FHIT: variants seen among roughly 807,000 people sequenced by gnomAD.
FHIT encodes fragile histidine triad diadenosine triphosphatase, also known as bis(5'-adenosyl)-triphosphatase.
Under a neutral mutation model 17.9 loss-of-function variants are expected in FHIT, and 19 were observed. The ratio of observed to expected loss-of-function variants is 1.06; its 90% confidence interval spans 0.74 to 1.56. The LOEUF (loss-of-function observed/expected upper bound fraction) is 1.56. FHIT is among the 40% of genes most tolerant of loss of function. The pLI, the probability that FHIT is intolerant of heterozygous loss-of-function variation, is 0.00. For synonymous variants in FHIT, 81 were observed against 69.7 expected, an observed-to-expected ratio of 1.16 and a Z score of -0.81; for missense variants, 248 against 189.2, an observed-to-expected ratio of 1.31 and a Z score of -1.82.
At chr3:60,113,658 G>A (rs914827494) in intron 5 of FHIT, among the ~76,000 whole-genome samples, 5 of 151,624 alleles carry the variant, frequency 3.3e-5, no homozygotes, top group Admixed American at 3.3e-4. Context: ...ACAACAATGT[G>A]AATGTACTTA....
chr3:60,887,279 G>A (rs1416011756), intron 3 of FHIT, among the ~76,000 whole-genome samples: 1 of 152,048 alleles, frequency 6.6e-6, no homozygotes, highest in African/African-American at 2.4e-5. Context: ...TAGGACTTTT[G>A]TTTTGTTTTG....
chr3:60,240,412 C>A (rs867906390), intron 5 of FHIT, among the ~76,000 whole-genome samples: 44 of 152,224 alleles, frequency 2.9e-4, no homozygotes, highest in Admixed American at 5.9e-4. Context: ...CAGAGCAGAT[C>A]AAACTACAAC....
At chr3:60,728,755 A>C (rs1245716318) in intron 4 of FHIT, among the ~76,000 whole-genome samples, 1 of 151,776 alleles carries the variant, frequency 6.6e-6, no homozygotes, top group Non-Finnish European at 1.5e-5. Flanking sequence ...AGTTGTCCTA[A>C]GGTGAAACAA....
chr3:60,320,753 T>G (rs1203009317), intron 5 of FHIT, among the ~76,000 whole-genome samples: 1 of 152,104 alleles, frequency 6.6e-6, no homozygotes, highest in Non-Finnish European at 1.5e-5. Flanking sequence ...ACAAGTAACA[T>G]AAGAAAGATG....
intron 5 of FHIT, among the ~76,000 whole-genome samples, chr3:60,056,484 G>C (rs574765615): frequency 3.2e-4 from 49 of 152,320 alleles, no homozygotes; most frequent in Non-Finnish European, 5.4e-4. Context: ...TCCTTATTGT[G>C]TTACAAGTTT....
At chr3:60,288,574 T>A (rs1169248658) in intron 5 of FHIT, among the ~76,000 whole-genome samples, 338 of 115,302 alleles carry the variant, frequency 2.9e-3, no homozygotes, top group African/African-American at 8.5e-3. Context: ...ACAGTGTGTG[T>A]GTGTGTGTGT....
At chr3:60,283,836 T>C (rs948088627) in intron 5 of FHIT, among the ~76,000 whole-genome samples, 1 of 152,030 alleles carries the variant, frequency 6.6e-6, no homozygotes, top group Non-Finnish European at 1.5e-5. Context: ...AAGGAGACTA[T>C]GGGCCAAAGG....
chr3:60,640,683 A>G (rs2039704337), intron 4 of FHIT, among the ~76,000 whole-genome samples: 2 of 152,234 alleles, frequency 1.3e-5, no homozygotes, highest in Admixed American at 6.5e-5. Context: ...CATATGGCTT[A>G]TGATTTTAAA....
intron 3 of FHIT, among the ~76,000 whole-genome samples, chr3:61,008,982 C>T (rs936937200): frequency 6.6e-6 from 1 of 152,164 alleles, no homozygotes; most frequent in Non-Finnish European, 1.5e-5. Context: ...CTCGATAGTT[C>T]ACACAGTCTT....
chr3:59,842,888 T>G (rs542996319), intron 8 of FHIT, among the ~76,000 whole-genome samples: 1 of 152,082 alleles, frequency 6.6e-6, no homozygotes, highest in Admixed American at 6.6e-5. Context: ...TGGTGTCTTT[T>G]GATGTACAAA....
chr3:59,829,084 T>C (rs911128103), intron 8 of FHIT, among the ~76,000 whole-genome samples: 11 of 152,202 alleles, frequency 7.2e-5, no homozygotes, highest in African/African-American at 2.7e-4. Context: ...ATGGTACACA[T>C]TGGGTACCAA....
intron 3 of FHIT, among the ~76,000 whole-genome samples, chr3:60,917,213 A>G (rs1707052241): frequency 6.6e-6 from 1 of 152,226 alleles, no homozygotes; most frequent in African/African-American, 2.4e-5. Flanking sequence ...GGATAGTAGT[A>G]AATAAATTAG....
intron 5 of FHIT, among the ~76,000 whole-genome samples, chr3:60,187,937 G>C (rs1702228870): frequency 6.6e-6 from 1 of 151,970 alleles, no homozygotes; most frequent in South Asian, 2.1e-4. Flanking sequence ...ATATATTATG[G>C]TTCTAGGATG....
At chr3:61,227,503 T>TA (rs1200431930) in intron 1 of FHIT, among the ~76,000 whole-genome samples, 1 of 152,100 alleles carries the variant, frequency 6.6e-6, no homozygotes, top group African/African-American at 2.4e-5. Context: ...TTGCAGCACA[T>TA]ACAATACCAA....
At chr3:61,006,495 T>C (rs1411492400) in intron 3 of FHIT, among the ~76,000 whole-genome samples, 3 of 152,214 alleles carry the variant, frequency 2.0e-5, no homozygotes, top group South Asian at 2.1e-4. Flanking sequence ...TTGAGATTTA[T>C]GTAATGAGAC....
intron 3 of FHIT, among the ~76,000 whole-genome samples, chr3:60,992,313 T>C (rs2030298223): frequency 6.6e-6 from 1 of 152,236 alleles, no homozygotes; most frequent in Non-Finnish European, 1.5e-5. Context: ...AGTTACATGA[T>C]GGATATACAT....
At chr3:60,942,547 T>TA (rs1553774810) in intron 3 of FHIT, among the ~76,000 whole-genome samples, 1 of 152,182 alleles carries the variant, frequency 6.6e-6, no homozygotes, top group Non-Finnish European at 1.5e-5. Flanking sequence ...TCATTTCTAA[T>TA]ACTGTTTGTA....
At chr3:61,074,681 C>T (rs548753449) in intron 2 of FHIT, among the ~76,000 whole-genome samples, 33 of 152,180 alleles carry the variant, frequency 2.2e-4, no homozygotes, top group African/African-American at 7.9e-4. Flanking sequence ...TACCTCTCTT[C>T]TTCTTAATAG....
intron 5 of FHIT, among the ~76,000 whole-genome samples, chr3:60,347,677 G>C (rs373958241): frequency 4.4e-5 from 4 of 90,230 alleles, no homozygotes; most frequent in Admixed American, 1.3e-4. Flanking sequence ...CACTGGTTTG[G>C]GGGGGGGGGG....
Sources: gnomAD v4.1 joint callset for allele counts (sites outside exome capture counted in the v4.1 genomes callset) on GRCh38, gnomAD v4.1.1 for gene constraint, MANE v1.5 for transcripts, NCBI Gene and HGNC (gene_info 2026-07-23, HGNC 2026-07-21) for gene names.